The following CUBN variants were observed in gnomAD, a reference collection of about 807,000 sequenced individuals.
CUBN encodes 460 kDa receptor.
A neutral mutation model predicts 405.3 loss-of-function variants in CUBN; 282 were observed. The observed-to-expected ratio is 0.70, with a 90% CI of 0.63 to 0.77. CUBN has a LOEUF of 0.77. Ranked by LOEUF, CUBN falls within the 30% of genes least tolerant of loss-of-function variation. The pLI, the probability that CUBN is intolerant of heterozygous loss-of-function variation, is 0.00. For missense variants in CUBN, 4,514 were observed against 4,475.2 expected, an observed-to-expected ratio of 1.01 and a Z score of -0.25; for synonymous variants, 1,684 against 1,617.0, an observed-to-expected ratio of 1.04 and a Z score of -0.99.
intron 17 of CUBN, among the ~76,000 whole-genome samples, chr10:17,081,201 A>C (rs1218291136): frequency 6.6e-6 from 1 of 152,224 alleles, no homozygotes; most frequent in African/African-American, 2.4e-5. Context: ...ATACACACTC[A>C]GCAATGGTAC....
chr10:17,032,073 G>T (rs186893283), intron 27 of CUBN, among the ~76,000 whole-genome samples: 1 of 152,242 alleles, frequency 6.6e-6, no homozygotes, highest in Non-Finnish European at 1.5e-5. Context: ...GATAGACCTC[G>T]CCAGGGAGGA....
chr10:16,948,996 C>T (rs1264913785), intron 34 of CUBN, among the ~76,000 whole-genome samples: 1 of 152,058 alleles, frequency 6.6e-6, no homozygotes, highest in Non-Finnish European at 1.5e-5. Flanking sequence ...TGGATTCAGC[C>T]CCTGGCTCAG....
intron 28 of CUBN, among the ~76,000 whole-genome samples, chr10:16,992,090 A>C (rs536292131): frequency 6.6e-6 from 1 of 152,336 alleles, no homozygotes; most frequent in Admixed American, 6.5e-5. Flanking sequence ...TATCCTTTTT[A>C]GGGACATGGA....
At chr10:16,925,492 C>G in intron 42 of CUBN, 68 bp from the exon 43 acceptor site, 1 of 1,604,256 alleles carries the variant, frequency 6.2e-7, no homozygotes, top group East Asian at 2.2e-5. Flanking sequence ...CAATTCTTAT[C>G]CATTTATGTC....
intron 36 of CUBN, among the ~76,000 whole-genome samples, chr10:16,940,994 T>C (rs1327878431): frequency 6.6e-6 from 1 of 152,176 alleles, no homozygotes; most frequent in African/African-American, 2.4e-5. Context: ...TACGATGTGT[T>C]GGGGAGTCGA....
chr10:17,122,266 T>C (rs1188502667), intron 6 of CUBN: 1 of 213,568 alleles, frequency 4.7e-6, no homozygotes, highest in Non-Finnish European at 9.5e-6. Context: ...CTGATAATGA[T>C]GACTGTGGTC....
intron 22 of CUBN, among the ~76,000 whole-genome samples, chr10:17,057,008 G>A (rs1835410582): frequency 6.6e-6 from 1 of 152,126 alleles, no homozygotes; most frequent in South Asian, 2.1e-4. Flanking sequence ...CTATGCAACT[G>A]CCAGTGGCTA....
At position 16,837,059 on chromosome 10, in the gene CUBN, G is replaced by A. The variant is rs183636999; in HGVS notation, c.10033-677C>T. ...AGGAACCTACTGAAACACCCCACCC[G>A]TCTCTGCTTGCAAAACTCCTGTAAC... On this transcript the variant is annotated intron_variant, in intron 62 of 66. Coordinates refer to ENST00000377833, the MANE Select transcript of CUBN (RefSeq NM_001081.4). Among the ~76,000 whole-genome samples the A allele has an allele frequency of 1.0e-3, 153 of 151,910 alleles. 1 individual carries two copies. The highest frequency in any genetic ancestry group is 1.6e-3 in the Non-Finnish European group (106 of 67,960).
At chr10:16,937,315 C>T (rs189286667) in intron 39 of CUBN, among the ~76,000 whole-genome samples, 2 of 152,146 alleles carry the variant, frequency 1.3e-5, no homozygotes, top group East Asian at 3.9e-4. Flanking sequence ...TCAGGGATTT[C>T]TAAAGTGGTC....
chr10:16,948,347 G>T, intron 35 of CUBN, 131 bp downstream of exon 35: 1 of 1,111,996 alleles, frequency 9.0e-7, no homozygotes, highest in Non-Finnish European at 1.3e-6. Flanking sequence ...TTGGGAAGAA[G>T]GTAAGATTTG....
chr10:16,861,231 C>T (rs1290156853), intron 59 of CUBN, among the ~76,000 whole-genome samples: 1 of 151,636 alleles, frequency 6.6e-6, no homozygotes, highest in Non-Finnish European at 1.5e-5. Flanking sequence ...CTGTGATCTC[C>T]ACTCACTGCA....
chr10:16,938,587 C>T (rs1211482955), intron 38 of CUBN, among the ~76,000 whole-genome samples: 4 of 151,988 alleles, frequency 2.6e-5, no homozygotes, highest in African/African-American at 4.8e-5. Context: ...TAGCAATGAT[C>T]ACCATGATTT....
intron 54 of CUBN, among the ~76,000 whole-genome samples, chr10:16,893,962 T>G (rs1337452816): frequency 6.6e-6 from 1 of 152,228 alleles, no homozygotes; most frequent in Non-Finnish European, 1.5e-5. Context: ...GTGGTTTTAA[T>G]TCATACTTCT....
chr10:16,834,296 TC>T (rs1264951725), intron 64 of CUBN, among the ~76,000 whole-genome samples: 2 of 151,994 alleles, frequency 1.3e-5, no homozygotes, highest in African/African-American at 4.8e-5. Flanking sequence ...AGGGAGCTCA[TC>T]GGGGGCACTG....
At chr10:17,043,723 C>G in intron 26 of CUBN, 104 bp downstream of exon 26, 1 of 1,509,292 alleles carries the variant, frequency 6.6e-7, no homozygotes, top group Non-Finnish European at 9.2e-7. Context: ...AGGCACTGAA[C>G]AGCGAGTATA....
intron 31 of CUBN, among the ~76,000 whole-genome samples, chr10:16,976,861 T>C (rs1193760412): frequency 1.3e-5 from 2 of 152,232 alleles, no homozygotes; most frequent in Non-Finnish European, 2.9e-5. Flanking sequence ...AGCCTTCTGC[T>C]GAGGTGTTAA....
At chr10:16,839,099 G>T (rs1839264947) in intron 62 of CUBN, among the ~76,000 whole-genome samples, 1 of 152,076 alleles carries the variant, frequency 6.6e-6, no homozygotes, top group Admixed American at 6.5e-5. Context: ...TCCAAGCATG[G>T]TCCATGGAGT....
chr10:16,909,043 C>T (rs1012353056), intron 48 of CUBN, among the ~76,000 whole-genome samples: 10 of 151,264 alleles, frequency 6.6e-5, no homozygotes, highest in African/African-American at 2.4e-4. Flanking sequence ...CCACCGCGCC[C>T]GGCTAATTTT....
At chr10:16,843,865 T>C (rs1459695842) in intron 60 of CUBN, among the ~76,000 whole-genome samples, 1 of 152,136 alleles carries the variant, frequency 6.6e-6, no homozygotes, top group Admixed American at 6.5e-5. Flanking sequence ...TGTATATAAA[T>C]TATATACAAA....
Sources: allele counts gnomAD v4.1 joint callset (sites outside exome capture counted in the v4.1 genomes callset), GRCh38; gene constraint gnomAD v4.1.1; transcripts MANE v1.5; gene names NCBI Gene and HGNC (gene_info 2026-07-23, HGNC 2026-07-21).